LRRIQ4: variants seen among roughly 807,000 people sequenced by gnomAD.
LRRIQ4 encodes the protein leucine rich repeats and IQ motif containing 4.
Under a neutral mutation model 40.1 loss-of-function variants are expected in LRRIQ4, and 21 were observed. The observed-to-expected ratio is 0.52, with a 90% CI of 0.37 to 0.75. The LOEUF (loss-of-function observed/expected upper bound fraction) is 0.75. Ranked by LOEUF, LRRIQ4 falls within the 30% of genes least tolerant of loss-of-function variation. The pLI, the probability that LRRIQ4 is intolerant of heterozygous loss-of-function variation, is 0.00. For synonymous variants in LRRIQ4, 277 were observed against 277.1 expected (o/e 1.00, Z 0.00); for missense variants, 655 against 660.0 (o/e 0.99, Z 0.08).
rs185143242 is a variant in LRRIQ4 at position 169,828,641 on chromosome 3, T to C, written c.1021-118T>C. 8.3e-5 allele frequency: 66 copies of C among 799,084 alleles called. 1 individual carries two copies. The highest frequency in any genetic ancestry group is 6.4e-4 in the African/African-American group (37 of 57,944). 49.5% of individuals were successfully genotyped at this position (799,084 alleles called of 1,614,324 possible). On this transcript the variant is annotated intron_variant, in intron 2 of 5. Transcript: ENST00000340806. Reference sequence around the variant, plus strand: ...GATATGTGCACAAATTTTTCACTAGTAGGAGAGGCTAAGTTACTCCACTTG... The same window carrying C: ...GATATGTGCACAAATTTTTCACTAGCAGGAGAGGCTAAGTTACTCCACTTG...
chr3:169,833,629 C>T (rs558796889), intron 5 of LRRIQ4, among the ~76,000 whole-genome samples: 1 of 152,334 alleles, frequency 6.6e-6, no homozygotes, highest in East Asian at 1.9e-4. Context: ...TGCTCTAGCC[C>T]TTTGAGCCCA....
At chr3:169,830,409 A>AAAAAAAAAAAAAAAAAAAAAAAAAGAT in intron 3 of LRRIQ4, 83 bp from the exon 4 acceptor site, 1 of 508,546 alleles carries the variant, frequency 2.0e-6, no homozygotes, top group Non-Finnish European at 2.9e-6. Flanking sequence ...AAAAAAAAAA[A>AAAAAAAAAAAAAAAAAAAAAAAAAGAT]TGCATGAGCA....
At chr3:169,828,063 C>G (rs1289209718) in intron 2 of LRRIQ4, among the ~76,000 whole-genome samples, 12 of 152,064 alleles carry the variant, frequency 7.9e-5, no homozygotes. Context: ...ATTATTAAAG[C>G]CTTTTAGGAT....
chr3:169,834,761 T>G (rs77073381), intron 5 of LRRIQ4, among the ~76,000 whole-genome samples: 9,985 of 152,224 alleles, frequency 0.066, 368 homozygotes, highest in Admixed American at 0.093. Context: ...GATCCTAAGG[T>G]TTTATGTATA....
rs190579415 is a variant in LRRIQ4 at position 169,815,745 on chromosome 3, T to G, written c.-32+2699T>G. On this transcript the variant is annotated intron_variant, in intron 1 of 5. Coordinates refer to ENST00000340806, the MANE Select transcript of LRRIQ4 (RefSeq NM_001080460.3). ...TCTTAGAGAAAAGGTTTTCAGTATT[T>G]CCTATTCAGTATGATACTACCTACG... 1.7e-3 allele frequency among the ~76,000 whole-genome samples: 257 copies of G among 152,354 alleles called. 1 individual carries two copies. The highest frequency in any genetic ancestry group is 3.0e-3 in the Non-Finnish European group (203 of 68,032).
Position 169,830,570 on chromosome 3 carries a change from G to T in LRRIQ4, c.1273G>T (p.Val425Phe). ...CTTGGGGTCAATGCCTAACCTAGAA[G>T]TTCTTGATTGCCGGCACAATTTGCT... ...VSLGSMPNLE[V>F]LDCRHNLLKQ... Residue 425 changes from valine (V) to phenylalanine (F), a missense_variant, in exon 4 of 6, where the codon GTT becomes TTT. Coordinates refer to ENST00000340806, the MANE Select transcript of LRRIQ4 (RefSeq NM_001080460.3). 1 of 1,613,762 alleles carries T rather than the reference G, an allele frequency of 6.2e-7. No homozygotes were observed.
At chr3:169,813,479 A>C (rs558395255) in intron 1 of LRRIQ4, among the ~76,000 whole-genome samples, 11 of 152,130 alleles carry the variant, frequency 7.2e-5, no homozygotes, top group Non-Finnish European at 1.3e-4. Flanking sequence ...TCCCCCTTGC[A>C]GGGCATGCGA....
intron 3 of LRRIQ4, among the ~76,000 whole-genome samples, 162 bp downstream of exon 3, chr3:169,829,094 T>C (rs1450653552): frequency 6.6e-6 from 1 of 152,210 alleles, no homozygotes. Context: ...AGGTTTCCAC[T>C]GTCCGTGAAC....
At chr3:169,816,116 CTTGT>C (rs911662200) in intron 1 of LRRIQ4, among the ~76,000 whole-genome samples, 5 of 151,988 alleles carry the variant, frequency 3.3e-5, no homozygotes, top group Non-Finnish European at 7.4e-5. Context: ...TTTTGGTTTG[CTTGT>C]TTGTTTGTTT....
At chr3:169,814,368 T>C (rs1260353299) in intron 1 of LRRIQ4, among the ~76,000 whole-genome samples, 1 of 152,208 alleles carries the variant, frequency 6.6e-6, no homozygotes, top group Non-Finnish European at 1.5e-5. Flanking sequence ...CCTGTCGGTG[T>C]GCTCTTCTGC....
In LRRIQ4 at chr3:169,837,771, A is replaced by G; in HGVS notation, c.*140A>G. On this transcript the variant is annotated 3_prime_UTR_variant, in exon 6 of 6. Coordinates refer to ENST00000340806, the MANE Select transcript of LRRIQ4 (RefSeq NM_001080460.3). ...AAATAAATGATTCTTACTTTTACTGAAATATTTATGGATAAAATGATATAA... is the reference window on the plus strand; with the variant it reads ...AAATAAATGATTCTTACTTTTACTGGAATATTTATGGATAAAATGATATAA... The G allele has an allele frequency of 1.3e-6, 1 of 754,344 alleles. No homozygotes were observed. The highest frequency in any genetic ancestry group is 2.1e-6 in the Non-Finnish European group (1 of 485,910). The allele number at this position is 754,344 out of a possible 1,614,324, so 46.7% of individuals were successfully genotyped here.
chr3:169,828,810 G>A lies in LRRIQ4; in HGVS notation c.1072G>A (p.Gly358Arg). 6.2e-7 allele frequency: 1 copy of A among 1,613,714 alleles called. No homozygotes were observed. Among genetic ancestry groups the A allele is most frequent in the Non-Finnish European group, 8.5e-7 (1 of 1,179,780 alleles). The change falls in exon 3 of 6, where the codon GGA (glycine) becomes AGA (arginine). Residue 358 changes from glycine to arginine, a missense_variant. Coordinates refer to ENST00000340806, the MANE Select transcript of LRRIQ4 (RefSeq NM_001080460.3). ...AAAACTGAAGATACTTGGACTAACA[G>A]GAAATGAGTTCCTTTCCTTTCCGGA... ...LSKLKILGLT[G>R]NEFLSFPEEV... is the part of the protein sequence containing the mutation.
chr3:169,834,171 G>A (rs759151607), intron 5 of LRRIQ4, among the ~76,000 whole-genome samples: 3 of 152,176 alleles, frequency 2.0e-5, no homozygotes, highest in Non-Finnish European at 2.9e-5. Context: ...AGATCAGCCT[G>A]ACCAACATGG....
At chr3:169,823,794 G>T (rs969443987) in intron 2 of LRRIQ4, among the ~76,000 whole-genome samples, 3 of 152,204 alleles carry the variant, frequency 2.0e-5, no homozygotes, top group African/African-American at 7.2e-5. Context: ...TGTCCCGTGT[G>T]TGCAGGGTGG....
chr3:169,822,291 C>T lies in LRRIQ4; in HGVS notation c.370C>T (p.Arg124Trp). 2 of 1,613,570 alleles carry T rather than the reference C, an allele frequency of 1.2e-6. No homozygotes were observed. Among genetic ancestry groups the T allele is most frequent in the Non-Finnish European group, 1.7e-6 (2 of 1,179,708 alleles). Residue 124 changes from arginine to tryptophan, a missense_variant, in exon 2 of 6, where the codon CGG (arginine) becomes TGG (tryptophan). Physicochemically the swap from Arg to Trp is moderately radical, Grantham distance 101 (BLOSUM62 -3). Coordinates refer to ENST00000340806, the MANE Select transcript of LRRIQ4 (RefSeq NM_001080460.3). Reference protein sequence around the residue: ...VSFLHALRELRLYQTDLKEIP... With the variant: ...VSFLHALRELWLYQTDLKEIP... ...CTTCCTCCACGCCCTGCGCGAGCTCCGGCTCTACCAGACCGACCTGAAGGA... is the reference window on the plus strand; with the variant it reads ...CTTCCTCCACGCCCTGCGCGAGCTCTGGCTCTACCAGACCGACCTGAAGGA...
intron 5 of LRRIQ4, among the ~76,000 whole-genome samples, chr3:169,835,161 A>T (rs1240289809): frequency 6.6e-6 from 1 of 152,204 alleles, no homozygotes; most frequent in African/African-American, 2.4e-5. Flanking sequence ...ATTTTAAAAA[A>T]ACAATGATTC....
At position 169,822,026 on chromosome 3, in the gene LRRIQ4, G is replaced by C; in HGVS notation, c.105G>C (p.Gln35His). 6.2e-7 allele frequency: 1 copy of C among 1,601,244 alleles called. No individual in the cohort carries two copies. The highest frequency in any genetic ancestry group is 8.5e-7 in the Non-Finnish European group (1 of 1,175,938). The change falls in exon 2 of 6, where the codon CAG becomes CAC. Residue 35 changes from glutamine (Q) to histidine (H), a missense_variant. By Grantham distance (24) the Gln-to-His change is conservative. Coordinates refer to ENST00000340806, the MANE Select transcript of LRRIQ4 (RefSeq NM_001080460.3). The part of the protein sequence containing the change: ...DRTFFIDASN[Q>H]SLTAIPLEIF... ...CATTTTTCATTGATGCCTCTAATCA[G>C]AGCTTGACTGCCATTCCTTTGGAGA... is the stretch of plus-strand genomic sequence containing the variant.
At chr3:169,830,377 G>GAAAAAAAAAAAAACAA (rs1780136298) in intron 3 of LRRIQ4, 115 bp from the exon 4 acceptor site, 1 of 103,278 alleles carries the variant, frequency 9.7e-6, no homozygotes, top group Non-Finnish European at 1.6e-5. Flanking sequence ...CACTGAAAGT[G>GAAAAAAAAAAAAACAA]AAAAAAAAAA....
chr3:169,823,297 C>G (rs907889157), intron 2 of LRRIQ4, among the ~76,000 whole-genome samples: 7 of 151,700 alleles, frequency 4.6e-5, no homozygotes, highest in African/African-American at 1.7e-4. Flanking sequence ...AGTGCTGCAG[C>G]CGCGATTCCA....
Sources: allele counts gnomAD v4.1 joint callset (sites outside exome capture counted in the v4.1 genomes callset), GRCh38; gene constraint gnomAD v4.1.1; transcripts MANE v1.5; gene names NCBI Gene and HGNC (gene_info 2026-07-23, HGNC 2026-07-21).